Variants in SLX4IP observed in about 807,000 individuals in gnomAD.
The protein encoded by SLX4IP is SLX4 interacting protein.
In SLX4IP, 34 loss-of-function variants were observed where a neutral mutation model predicts 32.9. The ratio of observed to expected loss-of-function variants is 1.03; its 90% CI spans 0.79 to 1.38. The LOEUF is 1.38. Among genes scored for constraint, SLX4IP ranks in the 40% most tolerant of loss-of-function variants. The probability of loss-of-function intolerance (pLI) is 0.00; values close to 1 mark genes in which losing one functional copy is unlikely to be tolerated. For synonymous variants in SLX4IP, 172 were observed against 171.7 expected (o/e 1.00, Z -0.01); for missense variants, 444 against 479.0 (o/e 0.93, Z 0.68).
intron 2 of SLX4IP, among the ~76,000 whole-genome samples, chr20:10,492,617 C>T (rs138718502): frequency 4.6e-5 from 7 of 151,970 alleles, no homozygotes; most frequent in South Asian, 2.1e-4. Context: ...ACTTTGTCTC[C>T]AGTGTCTTTG....
intron 2 of SLX4IP, among the ~76,000 whole-genome samples, chr20:10,465,001 T>C (rs889455786): frequency 6.6e-6 from 1 of 152,172 alleles, no homozygotes; most frequent in Non-Finnish European, 1.5e-5. Flanking sequence ...GAGGCCAGAC[T>C]TCCAGGAAAT....
chr20:10,591,003 A>G (rs1471114656), intron 4 of SLX4IP, among the ~76,000 whole-genome samples: 1 of 152,216 alleles, frequency 6.6e-6, no homozygotes, highest in Non-Finnish European at 1.5e-5. Flanking sequence ...GAGATTTCAC[A>G]TAAAAACTTG....
chr20:10,624,910 G>A lies in SLX4IP; in HGVS notation c.*1531G>A, dbSNP rs1373380237. ...TGGTGGTAGATACTGTTACTTTAAT[G>A]TTCCAAACCCTGCCTAGAAACCTGT... On this transcript the variant is annotated 3_prime_UTR_variant, in exon 8 of 8. Coordinates refer to ENST00000334534, the MANE Select transcript of SLX4IP (RefSeq NM_001009608.3). 3 of 152,318 alleles carry A rather than the reference G, an allele frequency of 2.0e-5. No homozygotes were observed. Among genetic ancestry groups the A allele is most frequent in the Middle Eastern group, 3.4e-3 (1 of 294 alleles). 9.4% of individuals were successfully genotyped at this position (152,318 alleles called of 1,614,324 possible).
chr20:10,484,876 G>A (rs1171611318), intron 2 of SLX4IP, among the ~76,000 whole-genome samples: 1 of 152,134 alleles, frequency 6.6e-6, no homozygotes, highest in Non-Finnish European at 1.5e-5. Flanking sequence ...AGCCTGTGGA[G>A]TTGGTGGTAC....
At chr20:10,492,547 A>G (rs117679928) in intron 2 of SLX4IP, among the ~76,000 whole-genome samples, 67 of 152,192 alleles carry the variant, frequency 4.4e-4, no homozygotes, top group Non-Finnish European at 9.3e-4. Context: ...ACTGCTATCT[A>G]TATAGTGATC....
At chr20:10,574,659 C>CT (rs145492250) in intron 4 of SLX4IP, among the ~76,000 whole-genome samples, 2,735 of 152,148 alleles carry the variant, frequency 0.018, 62 homozygotes, top group African/African-American at 0.051. Context: ...TGAAAGATCT[C>CT]TGTTACCAAA....
At chr20:10,575,161 C>G (rs2066511135) in intron 4 of SLX4IP, among the ~76,000 whole-genome samples, 1 of 152,066 alleles carries the variant, frequency 6.6e-6, no homozygotes, top group Non-Finnish European at 1.5e-5. Flanking sequence ...AATCACTTGC[C>G]CTTAAATTGA....
At chr20:10,481,892 G>A (rs2065525178) in intron 2 of SLX4IP, among the ~76,000 whole-genome samples, 1 of 152,210 alleles carries the variant, frequency 6.6e-6, no homozygotes, top group South Asian at 2.1e-4. Context: ...GTTGGCTGGA[G>A]ACATCTGTTT....
At chr20:10,461,093 A>G (rs1000767000) in intron 2 of SLX4IP, among the ~76,000 whole-genome samples, 8 of 152,208 alleles carry the variant, frequency 5.3e-5, no homozygotes, top group African/African-American at 1.9e-4. Flanking sequence ...GGATAGTCTC[A>G]TATGACTTTA....
intron 4 of SLX4IP, among the ~76,000 whole-genome samples, chr20:10,575,214 G>T (rs911303693): frequency 2.0e-5 from 3 of 152,174 alleles, no homozygotes; most frequent in African/African-American, 7.2e-5. Flanking sequence ...GATCTGTTCG[G>T]TCACAGTATT....
chr20:10,621,682 G>A (rs147975463), intron 7 of SLX4IP, among the ~76,000 whole-genome samples: 2 of 151,896 alleles, frequency 1.3e-5, no homozygotes, highest in African/African-American at 2.4e-5. Flanking sequence ...TACCACTTTC[G>A]GAGGGACTAC....
At chr20:10,620,317 G>C (rs2067093090) in intron 6 of SLX4IP, among the ~76,000 whole-genome samples, 1 of 152,110 alleles carries the variant, frequency 6.6e-6, no homozygotes, top group Admixed American at 6.5e-5. Context: ...GCATGAAATG[G>C]GTTAATGTTG....
rs148856218 is a variant in SLX4IP at position 10,601,820 on chromosome 20, G to A, written c.405+1G>A. The A allele has an allele frequency of 4.3e-6, 7 of 1,612,950 alleles. No homozygotes were observed. In the African/African-American group the frequency reaches 9.3e-5, roughly 22 times the overall value. ...TTTAGCAAGTCAGAATGAAGATTTGGTGAGTATGAAAAAATTCTATAAACA... is the reference window on the plus strand; with the variant it reads ...TTTAGCAAGTCAGAATGAAGATTTGATGAGTATGAAAAAATTCTATAAACA... On this transcript the variant is annotated splice_donor_variant, in intron 6 of 7. Coordinates refer to ENST00000334534, the MANE Select transcript of SLX4IP (RefSeq NM_001009608.3). LOFTEE classifies it high-confidence loss of function.
intron 2 of SLX4IP, among the ~76,000 whole-genome samples, chr20:10,522,021 CAT>C (rs139314460): frequency 0.022 from 3,329 of 152,278 alleles, 98 homozygotes; most frequent in African/African-American, 0.065. Flanking sequence ...GTCAGCATCA[CAT>C]AGAGACATCA....
chr20:10,598,840 G>A, intron 5 of SLX4IP, 88 bp downstream of exon 5: 1 of 1,321,880 alleles, frequency 7.6e-7, no homozygotes, highest in Non-Finnish European at 1.1e-6. Flanking sequence ...GGAGTGGAGA[G>A]TCCCACTTGC....
chr20:10,563,593 G>A (rs372187198), intron 4 of SLX4IP, among the ~76,000 whole-genome samples: 78 of 152,270 alleles, frequency 5.1e-4, no homozygotes, highest in African/African-American at 1.7e-3. Flanking sequence ...TCCAGTGAGA[G>A]ATAGGGGCCC....
At position 10,604,237 on chromosome 20, in the gene SLX4IP, G is replaced by T. The variant is rs527335380; in HGVS notation, c.405+2418G>T. 5.3e-5 allele frequency among the ~76,000 whole-genome samples: 8 copies of T among 152,316 alleles called. No homozygotes were observed. The South Asian group carries it at 1.7e-3, about 32-fold the overall frequency. ...GTACCCGCAGTAGCTATGTTGGAAA[G>T]ATTTCTTTGGCAATAAACTTCAGTT... On this transcript the variant is annotated intron_variant, in intron 6 of 7. Transcript: ENST00000334534.
intron 6 of SLX4IP, among the ~76,000 whole-genome samples, chr20:10,620,931 C>T (rs933690989): frequency 3.9e-5 from 6 of 152,034 alleles, no homozygotes; most frequent in South Asian, 2.1e-4. Context: ...ACCACTGTGT[C>T]ACCAGGTCTT....
chr20:10,592,809 A>C (rs1477413292), intron 4 of SLX4IP, among the ~76,000 whole-genome samples: 1 of 151,094 alleles, frequency 6.6e-6, no homozygotes, highest in African/African-American at 2.4e-5. Context: ...TAATTTTTTT[A>C]TTTTAGTAGA....
Sources: allele counts gnomAD v4.1 joint callset (sites outside exome capture counted in the v4.1 genomes callset), GRCh38; gene constraint gnomAD v4.1.1; transcripts MANE v1.5; gene names NCBI Gene and HGNC (gene_info 2026-07-23, HGNC 2026-07-21).